The following SNU13 variants were observed in gnomAD, a reference collection of about 807,000 sequenced individuals.
SNU13 encodes NHP2-like protein 1.
SNU13 carries 2 observed loss-of-function variants against 12.4 expected under a neutral mutation model. That is an observed-to-expected ratio of 0.16 (90% confidence interval 0.07 to 0.51). SNU13 has a LOEUF of 0.51. SNU13 is among the 20% of genes least tolerant of loss of function. The probability of loss-of-function intolerance (pLI) is 0.96; values close to 1 mark genes in which losing one functional copy is unlikely to be tolerated. For missense variants in SNU13, 66 were observed against 157.8 expected, an observed-to-expected ratio of 0.42 and a Z score of 3.12; for synonymous variants, 68 against 66.5, an observed-to-expected ratio of 1.02 and a Z score of -0.11.
chr22:41,689,059 A>G (rs2068338625), upstream of SNU13: 1 of 1,226,296 alleles, frequency 8.2e-7, no homozygotes, highest in Non-Finnish European at 1.0e-6. Context: ...AATGAATTAA[A>G]CATTCAAAAA....
chr22:41,688,666 C>G, intron 1 of SNU13, 128 bp downstream of exon 1: 3 of 1,331,800 alleles, frequency 2.3e-6, no homozygotes, highest in Non-Finnish European at 3.0e-6. Context: ...AACTAAGGGC[C>G]CGGCGGTTAA....
chr22:41,680,435 A>C, intron 1 of SNU13, 71 bp from the exon 2 acceptor site: 1 of 1,528,582 alleles, frequency 6.5e-7, no homozygotes, highest in Non-Finnish European at 8.9e-7. Flanking sequence ...CAAAATACTA[A>C]TCAACAATTG....
intron 2 of SNU13, among the ~76,000 whole-genome samples, chr22:41,677,580 G>A (rs1406226587): frequency 6.6e-6 from 1 of 152,058 alleles, no homozygotes; most frequent in African/African-American, 2.4e-5. Flanking sequence ...CAAATGCAAA[G>A]CATGTTCATT....
In SNU13 at chr22:41,675,063, T is replaced by C. The variant is rs765893222; in HGVS notation, c.257A>G (p.Lys86Arg). The change falls in exon 3 of 3, where the codon AAG becomes AGG. Residue 86 changes from lysine to arginine, a missense_variant. Physicochemically the swap from Lys to Arg is conservative, Grantham distance 26. Transcript: ENST00000401959. ...KNVPYVFVRS[K>R]QALGRACGVS... ...CCCACAGGCTCTCCCCAGGGCCTGC[T>C]TGGAGCGCACAAACACGTAGGGCAC... is the stretch of plus-strand genomic sequence containing the variant. 1.9e-6 allele frequency: 3 copies of C among 1,614,196 alleles called. No homozygotes were observed. Among genetic ancestry groups the C allele is most frequent in the South Asian group, 1.1e-5 (1 of 91,088 alleles).
At position 41,674,928 on chromosome 22, in the gene SNU13, C is replaced by A. The variant is rs1216774422; in HGVS notation, c.*5G>T. 1.2e-6 allele frequency: 2 copies of A among 1,609,584 alleles called. No homozygotes were observed. Among genetic ancestry groups the A allele is most frequent in the Admixed American group, 1.7e-5 (1 of 59,922 alleles). On this transcript the variant is annotated 3_prime_UTR_variant, in exon 3 of 3. Transcript: ENST00000401959. ...GGCAGGGAGCACGTGGCAGAGGCCA[C>A]AGGTTTAGACTAAGAGCCTTTCAAT...
chr22:41,689,093 G>A (rs951736551), upstream of SNU13: 3 of 1,134,330 alleles, frequency 2.6e-6, no homozygotes, highest in African/African-American at 1.6e-5. Context: ...CGGCCGCAGC[G>A]GCTTATGGCT....
chr22:41,690,326 C>T (rs148621596), upstream of SNU13: 10 of 700,818 alleles, frequency 1.4e-5, no homozygotes, highest in East Asian at 2.7e-4. Flanking sequence ...GTTATATCAC[C>T]CCATCACACA....
chr22:41,683,243 G>A (rs2068281834), intron 1 of SNU13, among the ~76,000 whole-genome samples: 3 of 152,062 alleles, frequency 2.0e-5, no homozygotes, highest in Non-Finnish European at 4.4e-5. Context: ...CAAGTGATCC[G>A]CTTGCCTTAG....
intron 1 of SNU13, among the ~76,000 whole-genome samples, chr22:41,682,933 G>A (rs138307784): frequency 0.016 from 2,482 of 152,214 alleles, 48 homozygotes; most frequent in Admixed American, 0.059. Flanking sequence ...ACAGGCATGA[G>A]CCACCGCACC....
At chr22:41,676,147 T>C (rs1405880423) in intron 2 of SNU13, among the ~76,000 whole-genome samples, 2 of 152,164 alleles carry the variant, frequency 1.3e-5, no homozygotes, top group Admixed American at 6.5e-5. Flanking sequence ...ATTAATAATA[T>C]AGTATTTCTC....
chr22:41,677,877 G>A (rs2068227502), intron 2 of SNU13, among the ~76,000 whole-genome samples: 1 of 151,826 alleles, frequency 6.6e-6, no homozygotes, highest in Non-Finnish European at 1.5e-5. Flanking sequence ...TCAGTTCTCT[G>A]CTCAAACTCC....
chr22:41,690,196 C>T (rs2068348671), upstream of SNU13, among the ~76,000 whole-genome samples: 2 of 152,084 alleles, frequency 1.3e-5, no homozygotes, highest in Middle Eastern at 3.2e-3. Context: ...ACGAGAAAGG[C>T]ATGTTGAGTG....
Position 41,688,833 on chromosome 22 carries a change from C to G in SNU13, c.-37G>C, listed in dbSNP as rs1194563476. Reference sequence around the variant, plus strand: ...CGCGGGCTCAGCACTCCTAGGGGAGCGCAGCTGACGTTTCAGAAGCACTCG... The same window carrying G: ...CGCGGGCTCAGCACTCCTAGGGGAGGGCAGCTGACGTTTCAGAAGCACTCG... On this transcript the variant is annotated 5_prime_UTR_variant, in exon 1 of 3. Transcript: ENST00000401959. The G allele has an allele frequency of 6.4e-7, 1 of 1,567,826 alleles. No homozygotes were observed. The highest frequency in any genetic ancestry group is 8.7e-7 in the Non-Finnish European group (1 of 1,148,164).
chr22:41,685,105 A>G (rs1388915386), intron 1 of SNU13, among the ~76,000 whole-genome samples: 1 of 150,000 alleles, frequency 6.7e-6, no homozygotes, highest in Non-Finnish European at 1.5e-5. Context: ...CAGTAGGTTG[A>G]GATGATGCCA....
intron 2 of SNU13, among the ~76,000 whole-genome samples, chr22:41,679,455 T>C (rs1343312679): frequency 1.3e-5 from 2 of 151,710 alleles, no homozygotes; most frequent in African/African-American, 4.8e-5. Context: ...ACTTGGGAGG[T>C]TGAGGCAGGA....
chr22:41,687,302 AC>A (rs1209110956), intron 1 of SNU13, among the ~76,000 whole-genome samples: 1 of 151,878 alleles, frequency 6.6e-6, no homozygotes, highest in African/African-American at 2.4e-5. Context: ...ATTACATGGA[AC>A]CCCCAAAGTA....
At chr22:41,685,490 A>G (rs1474113750) in intron 1 of SNU13, among the ~76,000 whole-genome samples, 3 of 151,662 alleles carry the variant, frequency 2.0e-5, no homozygotes, top group African/African-American at 7.3e-5. Flanking sequence ...AGTAGCTGGG[A>G]TTACAGGCAT....
chr22:41,689,047 A>T (rs2068338567), upstream of SNU13: 1 of 1,246,618 alleles, frequency 8.0e-7, no homozygotes, highest in African/African-American at 1.5e-5. Flanking sequence ...ATTGGCAGAA[A>T]CAATGAATTA....
intron 1 of SNU13, among the ~76,000 whole-genome samples, chr22:41,680,952 C>T (rs5758407): frequency 0.8 from 122,094 of 152,248 alleles, 49,953 homozygotes; most frequent in East Asian, 0.92. Flanking sequence ...GCACTTTGGG[C>T]GGCCGAGGCG....
Sources: allele counts gnomAD v4.1 joint callset (sites outside exome capture counted in the v4.1 genomes callset), GRCh38; gene constraint gnomAD v4.1.1; transcripts MANE v1.5; gene names NCBI Gene and HGNC (gene_info 2026-07-23, HGNC 2026-07-21).